Variants in AP3D1 observed in about 807,000 individuals in gnomAD.
The protein encoded by AP3D1 is AP-3 complex subunit delta-1.
A neutral mutation model predicts 147.6 loss-of-function variants in AP3D1; 51 were observed. That is an observed-to-expected ratio of 0.35 (90% CI 0.28 to 0.44). The LOEUF is 0.44. AP3D1 is among the 20% of genes least tolerant of loss of function. The pLI is 1.00. For synonymous variants in AP3D1, 760 were observed against 663.0 expected (o/e 1.15, Z -2.25); for missense variants, 1,421 against 1,624.2 (o/e 0.87, Z 2.15).
chr19:2,107,760 G>C (rs2018153145), intron 31 of AP3D1, among the ~76,000 whole-genome samples: 1 of 149,296 alleles, frequency 6.7e-6, no homozygotes, highest in African/African-American at 2.5e-5. Flanking sequence ...AAAAAGAAAA[G>C]TGCAATAAAA....
intron 19 of AP3D1, 33 bp from the exon 20 acceptor site, chr19:2,115,451 T>C (rs372953325): frequency 6.2e-7 from 1 of 1,608,854 alleles, no homozygotes; most frequent in Non-Finnish European, 8.5e-7. Context: ...CACTCAGCAC[T>C]GCACCCCAGG....
rs2018247140 is a variant in AP3D1, at chr19:2,110,692, T to TGGGGCAGG, written c.3175+7_3175+14dup. 6.3e-7 allele frequency: 1 copy of TGGGGCAGG among 1,576,576 alleles called. No individual in the cohort carries two copies. The highest frequency in any genetic ancestry group is 2.3e-5 in the East Asian group (1 of 42,912). On this transcript the variant is annotated intron_variant, in intron 27 of 31. Coordinates refer to ENST00000643116, the MANE Select transcript of AP3D1 (RefSeq NM_001261826.3). ...CACAGTCCCCAGGAGAGGCCGTGAG[T>TGGGGCAGG]GGGGCAGGGCTCACCTGGGGGCAGC...
At chr19:2,150,472 C>G (rs866625607) in intron 1 of AP3D1, among the ~76,000 whole-genome samples, 1 of 152,236 alleles carries the variant, frequency 6.6e-6, no homozygotes. Flanking sequence ...TTCTGGAAAA[C>G]TATTTCCTCG....
chr19:2,121,482 C>T (rs1455524328), intron 12 of AP3D1, among the ~76,000 whole-genome samples, 171 bp from the exon 13 acceptor site: 2 of 152,184 alleles, frequency 1.3e-5, no homozygotes, highest in African/African-American at 4.8e-5. Context: ...GGGTTAGAGG[C>T]ACACGACCCC....
Position 2,114,213 on chromosome 19 carries a change from T to C in AP3D1, c.2513A>G (p.Glu838Gly), listed in dbSNP as rs867429779. Residue 838 changes from glutamate to glycine, a missense_variant, in exon 22 of 32, where the codon GAA becomes GGA. This residue lies in a region of AP3D1 where 791 missense variants were observed against 761.4 expected (regional missense o/e 1.04). Transcript: ENST00000643116. ...KSPEKDVPMV[E>G]KKSKKPKKKE... ...CTTCTTGGGTTTCTTGCTCTTCTTT[T>C]CTACCATGGGAACGTCCTTCTCAGG... 2.5e-5 allele frequency: 40 copies of C among 1,613,442 alleles called. 1 individual carries two copies. In the Middle Eastern group the frequency reaches 5.1e-3, roughly 206 times the overall value.
At chr19:2,112,691 T>C in intron 24 of AP3D1, 169 bp downstream of exon 24, 1 of 560,742 alleles carries the variant, frequency 1.8e-6, no homozygotes, top group Non-Finnish European at 3.1e-6. Flanking sequence ...AGAAGGTTAT[T>C]AAAAAAACAC....
intron 1 of AP3D1, among the ~76,000 whole-genome samples, chr19:2,159,197 C>G (rs2019673852): frequency 1.3e-5 from 2 of 150,828 alleles, no homozygotes; most frequent in African/African-American, 4.9e-5. Flanking sequence ...ACCATGTTGG[C>G]CACGATGGTT....
chr19:2,118,012 T>C (rs1343194040), intron 15 of AP3D1, among the ~76,000 whole-genome samples: 13 of 152,014 alleles, frequency 8.6e-5, no homozygotes, highest in Non-Finnish European at 1.9e-4. Context: ...ATACAAAAAT[T>C]AGCCGGGCGT....
chr19:2,109,718 C>T (rs2018212378), intron 29 of AP3D1, 155 bp downstream of exon 29: 1 of 705,990 alleles, frequency 1.4e-6, no homozygotes, highest in African/African-American at 1.8e-5. Context: ...GCGCAGACAC[C>T]AGGCAGCCTG....
intron 1 of AP3D1, among the ~76,000 whole-genome samples, chr19:2,144,985 A>G (rs1422233273): frequency 1.3e-5 from 2 of 152,238 alleles, no homozygotes; most frequent in Admixed American, 1.3e-4. Context: ...TCGCCAGGGC[A>G]TAGGTTTCTC....
rs773919127 is a variant in AP3D1, at chr19:2,109,982, A to G, written c.3265-24T>C. The G allele has an allele frequency of 5.0e-6, 8 of 1,612,080 alleles. No individual in the cohort carries two copies. In the Admixed American group the frequency reaches 5.0e-5, roughly 10 times the overall value. On this transcript the variant is annotated intron_variant, in intron 28 of 31. Coordinates refer to ENST00000643116, the MANE Select transcript of AP3D1 (RefSeq NM_001261826.3). ...TTCTGCGGTGGAGTGAAGGTGGTGCAGTTGAGAGGGGAGTCGGGCCCAGCT... is the reference window on the plus strand; with the variant it reads ...TTCTGCGGTGGAGTGAAGGTGGTGCGGTTGAGAGGGGAGTCGGGCCCAGCT...
intron 1 of AP3D1, among the ~76,000 whole-genome samples, chr19:2,149,717 C>G (rs140182456): frequency 3.8e-4 from 58 of 152,252 alleles, no homozygotes; most frequent in African/African-American, 1.3e-3. Flanking sequence ...GAGGTGTGGT[C>G]CTCCACTGGA....
Position 2,124,359 on chromosome 19 carries a change from C to T in AP3D1, c.857-480G>A, listed in dbSNP as rs567209088. On this transcript the variant is annotated intron_variant, in intron 9 of 31. Coordinates refer to ENST00000643116, the MANE Select transcript of AP3D1 (RefSeq NM_001261826.3). The stretch of plus-strand genomic sequence containing the variant: ...GGCTCTAGAAGCTGGGCCTGGCCTC[C>T]CCAACATCCCCGGAGCCATTCCCCT... Among the ~76,000 whole-genome samples the T allele has an allele frequency of 2.6e-5, 4 of 152,356 alleles. No homozygotes were observed. The South Asian group carries it at 8.3e-4, about 32-fold the overall frequency.
intron 1 of AP3D1, among the ~76,000 whole-genome samples, chr19:2,138,932 C>T (rs887499635): frequency 6.6e-6 from 1 of 151,570 alleles, no homozygotes; most frequent in Non-Finnish European, 1.5e-5. Context: ...TGGTGGCGGG[C>T]GCCTGTAATC....
intron 1 of AP3D1, among the ~76,000 whole-genome samples, chr19:2,143,609 A>C (rs2019280869): frequency 1.3e-5 from 2 of 152,020 alleles, no homozygotes; most frequent in Admixed American, 6.6e-5. Flanking sequence ...AAAAATCAAA[A>C]AATAAAAAAT....
At chr19:2,143,529 C>A (rs1233651614) in intron 1 of AP3D1, among the ~76,000 whole-genome samples, 6 of 151,908 alleles carry the variant, frequency 3.9e-5, no homozygotes. Flanking sequence ...CGTGAGCCAC[C>A]GTGCCAGGCC....
intron 1 of AP3D1, among the ~76,000 whole-genome samples, chr19:2,148,260 G>A (rs1447281620): frequency 6.6e-6 from 1 of 151,946 alleles, no homozygotes; most frequent in African/African-American, 2.4e-5. Context: ...CAATTCTATC[G>A]AGCTTTAGAA....
At chr19:2,131,790 C>G (rs77762343) in intron 5 of AP3D1, among the ~76,000 whole-genome samples, 2 of 108,416 alleles carry the variant, frequency 1.8e-5, no homozygotes, top group Non-Finnish European at 1.8e-5. Context: ...ACACGGGGAC[C>G]GCGCCCATCG....
chr19:2,126,665 AAAAAAAG>A (rs1287023818), intron 9 of AP3D1, among the ~76,000 whole-genome samples: 38 of 151,920 alleles, frequency 2.5e-4, no homozygotes, highest in African/African-American at 8.7e-4. Flanking sequence ...AAAAAAAAAA[AAAAAAAG>A]AAAGAAAAAG....
Sources: allele counts gnomAD v4.1 joint callset (sites outside exome capture counted in the v4.1 genomes callset), GRCh38; gene constraint gnomAD v4.1.1; regional missense constraint gnomAD v4.1.1; transcripts MANE v1.5; gene names NCBI Gene and HGNC (gene_info 2026-07-23, HGNC 2026-07-21).